The following AKAP19 variants were observed in gnomAD, a reference collection of about 807,000 sequenced individuals.
AKAP19 encodes the protein A-kinase anchoring protein 19, also known as small A-kinase anchoring protein.
the AKAP19 span, among the ~76,000 whole-genome samples, chr2:189,880,273 G>GA: frequency 2.0e-5 from 3 of 152,152 alleles, no homozygotes; most frequent in Admixed American, 6.5e-5. Context: ...TTGAGGGCAG[G>GA]AGGGAGCAGA....
chr2:190,101,689 A>C, the AKAP19 span, among the ~76,000 whole-genome samples: 1 of 151,902 alleles, frequency 6.6e-6, no homozygotes, highest in African/African-American at 2.4e-5. Context: ...AAAAAAAAAA[A>C]CTACTTCTAG....
the AKAP19 span, among the ~76,000 whole-genome samples, chr2:189,993,212 G>T: frequency 6.6e-6 from 1 of 152,092 alleles, no homozygotes; most frequent in Admixed American, 6.5e-5. Context: ...TTTGCTGAGG[G>T]TTTTAATCAT....
At chr2:190,193,748 T>A in the AKAP19 span, among the ~76,000 whole-genome samples, 1 of 152,168 alleles carries the variant, frequency 6.6e-6, no homozygotes, top group African/African-American at 2.4e-5. Context: ...ATCTATTAGA[T>A]CTTTTTAAAG....
the AKAP19 span, among the ~76,000 whole-genome samples, chr2:189,920,898 C>A: frequency 6.6e-6 from 1 of 152,186 alleles, no homozygotes. Context: ...GGTGTATTGT[C>A]TTTCTTCTCA....
the AKAP19 span, among the ~76,000 whole-genome samples, chr2:190,173,299 T>A: frequency 9.9e-5 from 15 of 152,130 alleles, no homozygotes; most frequent in Admixed American, 7.9e-4. Flanking sequence ...ACATAGATAG[T>A]TTCTTATGTT....
the AKAP19 span, among the ~76,000 whole-genome samples, chr2:190,147,739 G>GTTTT: frequency 6.7e-6 from 1 of 148,862 alleles, no homozygotes; most frequent in Non-Finnish European, 1.5e-5. Context: ...TATTTCTAAG[G>GTTTT]TTTTTTTTTT....
chr2:190,134,201 T>C, the AKAP19 span, among the ~76,000 whole-genome samples: 2 of 152,078 alleles, frequency 1.3e-5, no homozygotes, highest in African/African-American at 4.8e-5. Flanking sequence ...ACATGGTAAA[T>C]AGGAAAGGTG....
chr2:189,913,266 TTAAAAG>T, the AKAP19 span, among the ~76,000 whole-genome samples: 2 of 152,242 alleles, frequency 1.3e-5, no homozygotes, highest in African/African-American at 4.8e-5. Flanking sequence ...AGTTCTGTAA[TTAAAAG>T]TAAATATAAT....
the AKAP19 span, among the ~76,000 whole-genome samples, chr2:190,179,244 C>T: frequency 6.6e-6 from 1 of 151,948 alleles, no homozygotes; most frequent in Non-Finnish European, 1.5e-5. This position sits in a 1 kb window ranked among gnomAD's most constrained non-coding sequence, Gnocchi z 6.0. Context: ...CCTGTCTCTA[C>T]TAAAAATACA....
chr2:189,930,724 A>G, the AKAP19 span: 5 of 622,240 alleles, frequency 8.0e-6, no homozygotes, highest in African/African-American at 1.9e-5. Context: ...AACAAAGTCC[A>G]TCATACAGAT....
At chr2:189,920,351 C>T in the AKAP19 span, among the ~76,000 whole-genome samples, 1 of 152,056 alleles carries the variant, frequency 6.6e-6, no homozygotes, top group African/African-American at 2.4e-5. Flanking sequence ...TAGATCCTGC[C>T]ATCACATTTA....
chr2:190,171,732 T>TG, the AKAP19 span, among the ~76,000 whole-genome samples: 1 of 152,198 alleles, frequency 6.6e-6, no homozygotes. Context: ...CTTCAGATCT[T>TG]GGTAGTTAGT....
chr2:190,170,594 A>G, the AKAP19 span, among the ~76,000 whole-genome samples: 34 of 152,046 alleles, frequency 2.2e-4, no homozygotes, highest in Admixed American at 9.2e-4. Flanking sequence ...CCCATCCCCA[A>G]CCAGGACCCA....
At chr2:190,084,295 G>T in the AKAP19 span, among the ~76,000 whole-genome samples, 1 of 152,024 alleles carries the variant, frequency 6.6e-6, no homozygotes, top group Non-Finnish European at 1.5e-5. Context: ...GTTTTACCAT[G>T]TTGGCCAGGC....
chr2:190,014,946 G>T, the AKAP19 span, among the ~76,000 whole-genome samples: 1 of 152,208 alleles, frequency 6.6e-6, no homozygotes, highest in African/African-American at 2.4e-5. Context: ...GATGCAATGG[G>T]TGGGCTCCCA....
At chr2:190,013,235 G>A in the AKAP19 span, among the ~76,000 whole-genome samples, 3 of 151,980 alleles carry the variant, frequency 2.0e-5, no homozygotes, top group Admixed American at 1.3e-4. Flanking sequence ...GAAGCCATTG[G>A]GTATTGGATG....
At chr2:189,966,082 C>T in the AKAP19 span, among the ~76,000 whole-genome samples, 1 of 151,824 alleles carries the variant, frequency 6.6e-6, no homozygotes, top group African/African-American at 2.4e-5. Context: ...TGAAGTAACT[C>T]AGGAATGGAA....
At chr2:189,916,020 TG>T in the AKAP19 span, among the ~76,000 whole-genome samples, 1 of 152,164 alleles carries the variant, frequency 6.6e-6, no homozygotes, top group African/African-American at 2.4e-5. Context: ...CACTTTATAG[TG>T]TGTAGCATAG....
chr2:189,932,395 G>A, the AKAP19 span, among the ~76,000 whole-genome samples: 9 of 113,200 alleles, frequency 8.0e-5, no homozygotes, highest in African/African-American at 9.8e-5. Flanking sequence ...GCGACTGAGC[G>A]AGACTCCAAC....
Sources: allele counts gnomAD v4.1 joint callset (sites outside exome capture counted in the v4.1 genomes callset), GRCh38; gene constraint gnomAD v4.1.1; non-coding constraint Gnocchi (gnomAD v3.1); transcripts MANE v1.5; gene names NCBI Gene and HGNC (gene_info 2026-07-23, HGNC 2026-07-21).